Variants in PTS observed in about 807,000 individuals in gnomAD.
The protein encoded by PTS is 6-pyruvoyl tetrahydrobiopterin synthase.
PTS carries 23 observed loss-of-function variants against 20.6 expected under a neutral mutation model. The ratio of observed to expected loss-of-function variants is 1.12; its 90% confidence interval spans 0.80 to 1.58. The LOEUF is 1.58. PTS is among the 40% of genes most tolerant of loss of function. The probability of loss-of-function intolerance (pLI) is 0.00; values close to 1 mark genes in which losing one functional copy is unlikely to be tolerated. For missense variants in PTS, 186 were observed against 182.4 expected (o/e 1.02, Z -0.11); for synonymous variants, 65 against 62.5 (o/e 1.04, Z -0.19).
intron 4 of PTS, 111 bp downstream of exon 4, chr11:112,230,793 T>A (rs1859920262): frequency 1.0e-6 from 1 of 957,974 alleles, no homozygotes; most frequent in Non-Finnish European, 1.7e-6. Flanking sequence ...ACTTTGTGAA[T>A]AGAACTGGAT....
In PTS at chr11:112,233,439, G is replaced by A; in HGVS notation, c.322G>A (p.Glu108Lys). 1 of 1,610,824 alleles carries A rather than the reference G, an allele frequency of 6.2e-7. No individual in the cohort carries two copies. The highest frequency in any genetic ancestry group is 8.5e-7 in the Non-Finnish European group (1 of 1,179,084). Reference protein sequence around the residue: ...PYFADVVSTTENVAVYIWDNL... With the variant: ...PYFADVVSTTKNVAVYIWDNL... ...TGTTTTTTTTTCTTATAGCACGACT[G>A]AAAATGTAGCTGTTTATATCTGGGA... Residue 108 changes from glutamate (E) to lysine (K), a missense_variant, in exon 6 of 6, where the codon GAA (glutamate) becomes AAA (lysine). Coordinates refer to ENST00000280362, the MANE Select transcript of PTS (RefSeq NM_000317.3).
intron 4 of PTS, 81 bp downstream of exon 4, chr11:112,230,763 T>G: frequency 8.3e-7 from 1 of 1,205,698 alleles, no homozygotes; most frequent in Non-Finnish European, 1.2e-6. Flanking sequence ...CCCCAACCAG[T>G]TATCTCCTAA....
chr11:112,229,388 T>C (rs2135408557), intron 2 of PTS: 1 of 152,266 alleles, frequency 6.6e-6, no homozygotes, highest in East Asian at 1.9e-4. Context: ...ATAAAGTTTT[T>C]TTTTGTTGTT....
chr11:112,230,504 G>T (rs1859916499), intron 3 of PTS, 122 bp from the exon 4 acceptor site: 2 of 940,828 alleles, frequency 2.1e-6, no homozygotes, highest in African/African-American at 1.6e-5. Flanking sequence ...ATTATCTCTG[G>T]GATGAAGGCA....
At chr11:112,228,352 A>G in intron 1 of PTS, 1 of 549,836 alleles carries the variant, frequency 1.8e-6, no homozygotes, top group Non-Finnish European at 3.2e-6. Context: ...AGGGGGTTGA[A>G]GTTAAGGTTT....
At chr11:112,233,259 T>C (rs1204880970) in intron 5 of PTS, 26 bp downstream of exon 5, 14 of 1,600,546 alleles carry the variant, frequency 8.7e-6, no homozygotes, top group African/African-American at 1.3e-5. Context: ...TCTTGCCTTA[T>C]GTGGATTGTA....
At chr11:112,233,128 G>GA in intron 4 of PTS, 35 bp from the exon 5 acceptor site, 1 of 1,577,800 alleles carries the variant, frequency 6.3e-7, no homozygotes, top group Non-Finnish European at 8.7e-7. Context: ...GTCGTAAATG[G>GA]AGTCAATGAT....
Position 112,233,622 on chromosome 11 carries a change from G to A in PTS, c.*67G>A. On this transcript the variant is annotated 3_prime_UTR_variant, in exon 6 of 6. Coordinates refer to ENST00000280362, the MANE Select transcript of PTS (RefSeq NM_000317.3). ...GTTTGAAAAAGATTTTGATCCCCTT[G>A]GAATATTAAGAGGTCAACACGTGAT... is the stretch of plus-strand genomic sequence containing the variant. 1 of 1,605,166 alleles carries A rather than the reference G, an allele frequency of 6.2e-7. No homozygotes were observed. The highest frequency in any genetic ancestry group is 8.5e-7 in the Non-Finnish European group (1 of 1,176,226).
chr11:112,230,028 T>TAA, intron 2 of PTS, 180 bp from the exon 3 acceptor site: 1 of 601,860 alleles, frequency 1.7e-6, no homozygotes, highest in Non-Finnish European at 2.9e-6. Flanking sequence ...CTTTGGTTGC[T>TAA]AAAAAAAAAA....
chr11:112,226,527 G>A lies in PTS; in HGVS notation c.83+1G>A, dbSNP rs927103678. On this transcript the variant is annotated splice_donor_variant, in intron 1 of 5. Coordinates refer to ENST00000280362, the MANE Select transcript of PTS (RefSeq NM_000317.3). LOFTEE classifies it high-confidence loss of function. ...TCAGCGCGAGCCACCGATTGTACAG[G>A]TAGGGTGTGCACACAGGTACAGCGG... is the stretch of plus-strand genomic sequence containing the variant. The A allele has an allele frequency of 1.9e-6, 3 of 1,581,594 alleles. No homozygotes were observed. Among genetic ancestry groups the A allele is most frequent in the Middle Eastern group, 1.7e-4 (1 of 5,960 alleles).
At chr11:112,231,503 C>G (rs1859930073) in intron 4 of PTS, among the ~76,000 whole-genome samples, 1 of 152,148 alleles carries the variant, frequency 6.6e-6, no homozygotes, top group Admixed American at 6.5e-5. Context: ...TTCCTTCCAG[C>G]TGTTTTATTA....
At chr11:112,226,562 G>C in intron 1 of PTS, 36 bp downstream of exon 1, 1 of 1,490,160 alleles carries the variant, frequency 6.7e-7, no homozygotes, top group Non-Finnish European at 9.0e-7. Flanking sequence ...GCGGGCGGTG[G>C]GCGCCGGGCC....
intron 1 of PTS, chr11:112,228,343 G>A: frequency 1.9e-6 from 1 of 532,120 alleles, no homozygotes; most frequent in Non-Finnish European, 3.3e-6. Context: ...TGTGGAACAA[G>A]GGGGTTGAAG....
intron 4 of PTS, among the ~76,000 whole-genome samples, chr11:112,231,097 G>A (rs1196297117): frequency 6.9e-6 from 1 of 145,152 alleles, no homozygotes; most frequent in African/African-American, 2.6e-5. Flanking sequence ...TCACTATGTT[G>A]TTCAGGCTGG....
intron 1 of PTS, chr11:112,228,334 G>A (rs1859891090): frequency 3.9e-6 from 2 of 513,252 alleles, no homozygotes; most frequent in Non-Finnish European, 7.0e-6. Context: ...ATCAGTTGCT[G>A]TGGAACAAGG....
chr11:112,230,290 G>T (rs892187184), intron 3 of PTS, 60 bp downstream of exon 3: 1 of 1,559,690 alleles, frequency 6.4e-7, no homozygotes, highest in South Asian at 1.1e-5. Flanking sequence ...TTCAGCCAGT[G>T]TGGTGGATTC....
At chr11:112,230,908 A>C (rs1157145635) in intron 4 of PTS, among the ~76,000 whole-genome samples, 1 of 152,214 alleles carries the variant, frequency 6.6e-6, no homozygotes, top group Non-Finnish European at 1.5e-5. Flanking sequence ...ATGGGAGGAA[A>C]TATAACATGC....
At chr11:112,227,589 C>G (rs1365391160) in intron 1 of PTS, among the ~76,000 whole-genome samples, 1 of 152,134 alleles carries the variant, frequency 6.6e-6, no homozygotes, top group African/African-American at 2.4e-5. Context: ...GGACCTTCCA[C>G]TCATGGTGGA....
At chr11:112,228,475 A>G in intron 1 of PTS, 119 bp from the exon 2 acceptor site, 1 of 852,904 alleles carries the variant, frequency 1.2e-6, no homozygotes, top group Non-Finnish European at 1.8e-6. Context: ...TTGGTGAGCT[A>G]AAGTAATAAA....
Sources: gnomAD v4.1 joint callset for allele counts (sites outside exome capture counted in the v4.1 genomes callset) on GRCh38, gnomAD v4.1.1 for gene constraint, MANE v1.5 for transcripts, NCBI Gene and HGNC (gene_info 2026-07-23, HGNC 2026-07-21) for gene names.